Variants in SOHLH2 observed in about 807,000 individuals in gnomAD.
SOHLH2 encodes the protein spermatogenesis and oogenesis specific basic helix-loop-helix 2.
In SOHLH2, 22 loss-of-function variants were observed where a neutral mutation model predicts 50.4. The ratio of observed to expected loss-of-function variants is 0.44; its 90% CI spans 0.31 to 0.62. SOHLH2 has a LOEUF of 0.62. Ranked by LOEUF, SOHLH2 falls within the 20% of genes least tolerant of loss-of-function variation. The probability of loss-of-function intolerance (pLI) is 0.08; values close to 1 mark genes in which losing one functional copy is unlikely to be tolerated. For synonymous variants in SOHLH2, 185 were observed against 187.3 expected (o/e 0.99, Z 0.10); for missense variants, 412 against 504.4 (o/e 0.82, Z 1.76).
intron 1 of SOHLH2, among the ~76,000 whole-genome samples, chr13:36,210,917 C>G (rs1337187617): frequency 6.6e-6 from 1 of 152,192 alleles, no homozygotes. Context: ...TCATTTCCAG[C>G]AGCACTTTAG....
chr13:36,204,148 A>G (rs958673315), intron 1 of SOHLH2, among the ~76,000 whole-genome samples: 1 of 151,590 alleles, frequency 6.6e-6, no homozygotes, highest in African/African-American at 2.4e-5. Flanking sequence ...ATGAGGTTTC[A>G]CCATGTTGGC....
chr13:36,192,321 C>T (rs1032206197), intron 4 of SOHLH2, among the ~76,000 whole-genome samples: 4 of 152,054 alleles, frequency 2.6e-5, no homozygotes, highest in Non-Finnish European at 4.4e-5. Context: ...AGAGCAAAGA[C>T]GAGACAACTG....
At chr13:36,183,068 G>GCCT (rs1887303731) in intron 6 of SOHLH2, 1 of 237,022 alleles carries the variant, frequency 4.2e-6, no homozygotes, top group Non-Finnish European at 9.5e-6. Context: ...AGAGTTTGGG[G>GCCT]CCTCTCCTTT....
At chr13:36,201,052 A>AG (rs1887888490) in intron 2 of SOHLH2, among the ~76,000 whole-genome samples, 1 of 148,708 alleles carries the variant, frequency 6.7e-6, no homozygotes, top group Non-Finnish European at 1.5e-5. Context: ...CTGCCTCAAA[A>AG]AAAAAAAAAA....
intron 5 of SOHLH2, among the ~76,000 whole-genome samples, 178 bp downstream of exon 5, chr13:36,191,616 AG>A (rs1887575842): frequency 6.6e-6 from 1 of 152,198 alleles, no homozygotes; most frequent in Admixed American, 6.5e-5. Context: ...CCTGTGGTCA[AG>A]TCTAATTGTT....
chr13:36,212,536 T>C (rs1362226656), intron 1 of SOHLH2, among the ~76,000 whole-genome samples: 4 of 152,244 alleles, frequency 2.6e-5, no homozygotes, highest in Non-Finnish European at 5.9e-5. Context: ...TAAATGTTTC[T>C]AGTATATTCT....
At chr13:36,195,539 A>G (rs996390970) in intron 2 of SOHLH2, among the ~76,000 whole-genome samples, 1 of 152,162 alleles carries the variant, frequency 6.6e-6, no homozygotes, top group Admixed American at 6.5e-5. Flanking sequence ...ACGGAAAGCT[A>G]TGAAGCTCAG....
chr13:36,168,957 T>A lies in SOHLH2; in HGVS notation c.*77A>T. The A allele has an allele frequency of 1.9e-6, 3 of 1,557,084 alleles. No individual in the cohort carries two copies. Among genetic ancestry groups the A allele is most frequent in the Non-Finnish European group, 1.7e-6 (2 of 1,155,840 alleles). On this transcript the variant is annotated 3_prime_UTR_variant, in exon 11 of 11. Coordinates refer to ENST00000379881, the MANE Select transcript of SOHLH2 (RefSeq NM_017826.3). ...TCTTTGGGTGGAGCTTTCAAAATCA[T>A]TCTTTGTTCCACTTTTCCTAGATTG...
intron 1 of SOHLH2, among the ~76,000 whole-genome samples, chr13:36,209,961 G>C (rs1217242363): frequency 6.6e-6 from 1 of 152,002 alleles, no homozygotes; most frequent in Non-Finnish European, 1.5e-5. Context: ...GCTGGCGCCA[G>C]CTAATTGTCA....
Position 36,209,483 on chromosome 13 carries a change from T to G in SOHLH2, c.48+4996A>C, listed in dbSNP as rs114915492. On this transcript the variant is annotated intron_variant, in intron 1 of 10. Transcript: ENST00000379881. ...CACTGGCAGATTAAATGTCTGGTGA[T>G]GGCACAATTTCTAGTTCATAGATGG... 1.6e-3 allele frequency among the ~76,000 whole-genome samples: 240 copies of G among 152,316 alleles called. 1 individual carries two copies. Among genetic ancestry groups the G allele is most frequent in the African/African-American group, 5.6e-3 (232 of 41,572 alleles).
At chr13:36,183,129 C>T in intron 6 of SOHLH2, 1 of 348,904 alleles carries the variant, frequency 2.9e-6, no homozygotes, top group Non-Finnish European at 6.3e-6. Flanking sequence ...CTCCACTTTG[C>T]CTCCTGCCAT....
intron 2 of SOHLH2, among the ~76,000 whole-genome samples, chr13:36,196,360 A>G (rs1025212161): frequency 2.0e-5 from 3 of 152,188 alleles, no homozygotes; most frequent in South Asian, 4.2e-4. Context: ...TCCTGGCCTC[A>G]GGCAATCTTC....
chr13:36,200,967 T>C (rs2138316655), intron 2 of SOHLH2, among the ~76,000 whole-genome samples: 1 of 142,904 alleles, frequency 7.0e-6, no homozygotes, highest in East Asian at 2.1e-4. Flanking sequence ...GAGAATCACT[T>C]GAACCCGGGA....
chr13:36,174,893 AAAG>A, intron 6 of SOHLH2, 24 bp from the exon 7 acceptor site: 2 of 1,551,390 alleles, frequency 1.3e-6, no homozygotes, highest in Non-Finnish European at 1.7e-6. Flanking sequence ...TGCAATACAT[AAAG>A]AATAATTAGT....
chr13:36,176,122 G>A (rs888805376), intron 6 of SOHLH2, among the ~76,000 whole-genome samples: 2 of 152,044 alleles, frequency 1.3e-5, no homozygotes, highest in African/African-American at 4.8e-5. Context: ...AAGCTTATTG[G>A]GGAAAAGTAG....
chr13:36,211,899 A>G (rs893253378), intron 1 of SOHLH2, among the ~76,000 whole-genome samples: 4 of 152,162 alleles, frequency 2.6e-5, no homozygotes, highest in African/African-American at 9.7e-5. Flanking sequence ...GCACTGTTTG[A>G]ATCACAGTGC....
In SOHLH2 at chr13:36,201,923, A is replaced by C; in HGVS notation, c.219T>G (p.Pro73=). 2 of 1,614,236 alleles carry C rather than the reference A, an allele frequency of 1.2e-6. No homozygotes were observed. Among genetic ancestry groups the C allele is most frequent in the Non-Finnish European group, 1.7e-6 (2 of 1,180,044 alleles). The part of the protein sequence containing the change: ...CIFNMVLLKV[P]SSLSAEELEA... ...CCAGCTCCTCGGCACTTAGTGAAGA[A>C]GGCACCTTCAAGAGAACCATGTTGA... The change falls in exon 2 of 11, where the codon CCT becomes CCG. Residue 73 remains proline (P), a synonymous_variant. Coordinates refer to ENST00000379881, the MANE Select transcript of SOHLH2 (RefSeq NM_017826.3).
chr13:36,214,157 T>G (rs1039462008), intron 1 of SOHLH2, among the ~76,000 whole-genome samples: 2 of 152,098 alleles, frequency 1.3e-5, no homozygotes, highest in African/African-American at 4.8e-5. Context: ...GTTAATGGGT[T>G]TTCTTTATAA....
intron 9 of SOHLH2, among the ~76,000 whole-genome samples, chr13:36,172,929 C>A (rs758884283): frequency 1.6e-4 from 24 of 152,294 alleles, no homozygotes; most frequent in Non-Finnish European, 2.5e-4. Context: ...CGGAGAGTAA[C>A]TTTATCTTCA....
Sources: gnomAD v4.1 joint callset for allele counts (sites outside exome capture counted in the v4.1 genomes callset) on GRCh38, gnomAD v4.1.1 for gene constraint, MANE v1.5 for transcripts, NCBI Gene and HGNC (gene_info 2026-07-23, HGNC 2026-07-21) for gene names.